The following C4orf50 variants were observed in gnomAD, a reference collection of about 807,000 sequenced individuals.
C4orf50 encodes the protein uncharacterized protein C4orf50.
In C4orf50, 80 loss-of-function variants were observed where a neutral mutation model predicts 77.2. That is an observed-to-expected ratio of 1.04 (90% CI 0.87 to 1.25). C4orf50 has a LOEUF of 1.25. Among genes scored for constraint, C4orf50 ranks in the 50% most tolerant of loss-of-function variants. C4orf50 has a pLI of 0.00. For missense variants in C4orf50, 1,257 were observed against 1,152.9 expected (o/e 1.09, Z -1.31); for synonymous variants, 532 against 465.3 (o/e 1.14, Z -1.84).
At chr4:5,980,856 G>A (rs113585734) in intron 28 of C4orf50, among the ~76,000 whole-genome samples, 138 of 152,270 alleles carry the variant, frequency 9.1e-4, no homozygotes, top group African/African-American at 3.2e-3. Flanking sequence ...GTCTCCCACA[G>A]GCACTTTTCT....
chr4:5,990,610 G>T (rs1721215206), exon 28 of C4orf50: 1 of 399,184 alleles, frequency 2.5e-6, no homozygotes. Flanking sequence ...GAGCAGCAGT[G>T]GTCGCCAAGA....
chr4:5,979,300 C>A (rs540410365), intron 29 of C4orf50, among the ~76,000 whole-genome samples: 1 of 152,198 alleles, frequency 6.6e-6, no homozygotes, highest in African/African-American at 2.4e-5. Context: ...TTTCCACAAA[C>A]AGAAAAATTG....
At position 5,998,379 on chromosome 4, in the gene C4orf50, T is replaced by A. The variant is rs188649956; in HGVS notation, c.964-3903A>T. On this transcript the variant is annotated intron_variant, in intron 25 of 33. Transcript: ENST00000531445. Reference sequence around the variant, plus strand: ...CGACATTATTGACACTGCTTTTTTTTTAAAAGCTCTTGCTTGCTGCTGGAG... The same window carrying A: ...CGACATTATTGACACTGCTTTTTTTATAAAAGCTCTTGCTTGCTGCTGGAG... Among the ~76,000 whole-genome samples, 1,441 of 152,336 alleles carry A rather than the reference T, an allele frequency of 9.5e-3. 14 individuals are homozygous for A. The highest frequency in any genetic ancestry group is 0.017 in the South Asian group (80 of 4,824).
chr4:5,981,372 G>GGATT (rs1264490852), intron 28 of C4orf50, among the ~76,000 whole-genome samples: 1 of 151,724 alleles, frequency 6.6e-6, no homozygotes, highest in African/African-American at 2.4e-5. Flanking sequence ...AGATCATCAG[G>GGATT]GGGTATTTCC....
intron 7 of C4orf50, among the ~76,000 whole-genome samples, chr4:5,910,121 G>A (rs186425156): frequency 1.2e-4 from 18 of 152,196 alleles, no homozygotes; most frequent in Middle Eastern, 3.4e-3. Context: ...CAATATTAAT[G>A]GAGCTGAGAT....
At chr4:6,004,226 G>GGTGA (rs1722079332) in intron 25 of C4orf50, among the ~76,000 whole-genome samples, 1 of 29,108 alleles carries the variant, frequency 3.4e-5, no homozygotes. Context: ...TGGTGATGAT[G>GGTGA]TGATGGTGAT....
chr4:5,973,910 G>T, intron 30 of C4orf50, 69 bp from the exon 9 acceptor site: 2 of 1,322,526 alleles, frequency 1.5e-6, no homozygotes, highest in Non-Finnish European at 1.0e-6. Context: ...GAGGGCTGGG[G>T]GCCGGAGGGT....
intron 25 of C4orf50, among the ~76,000 whole-genome samples, chr4:6,001,006 T>C (rs1023011949): frequency 3.9e-5 from 6 of 152,136 alleles, no homozygotes; most frequent in African/African-American, 1.4e-4. Context: ...GAGCAAGTGA[T>C]ACCAGAAACA....
rs182980059 is a variant in C4orf50, at chr4:5,999,659, T to G, written c.964-5183A>C. 4.2e-3 allele frequency among the ~76,000 whole-genome samples: 632 copies of G among 152,082 alleles called. 6 individuals carry two copies. The highest frequency in any genetic ancestry group is 0.014 in the African/African-American group (596 of 41,484). ...ACAGCTGGTGGCCAGGGACTGGGAA[T>G]AGAGCTAAAGTGAACCAGTTTTTGA... On this transcript the variant is annotated intron_variant, in intron 25 of 33. Transcript: ENST00000531445.
chr4:6,008,584 G>C lies in C4orf50; in HGVS notation c.427-52C>G, dbSNP rs1722353988. 5.0e-6 allele frequency: 2 copies of C among 396,802 alleles called. No homozygotes were observed. Among genetic ancestry groups the C allele is most frequent in the Middle Eastern group, 6.3e-4 (1 of 1,580 alleles). 24.6% of individuals were successfully genotyped at this position (396,802 alleles called of 1,614,324 possible). A position where few individuals can be genotyped will look rare whatever the true frequency, so the allele number is the denominator to read the frequency against. ...TCAGCAAGCCCAAAGGACACACCAT[G>C]GTTCACATTGGTCCTGTCTTGACTT... On this transcript the variant is annotated intron_variant, in intron 24 of 33. Coordinates refer to ENST00000531445, the Ensembl canonical transcript of C4orf50. This position sits in a 1 kb window ranked among gnomAD's most constrained non-coding sequence, Gnocchi z 6.0.
chr4:5,935,807 A>AAAAC (rs1308157183), intron 7 of C4orf50, among the ~76,000 whole-genome samples: 5 of 145,334 alleles, frequency 3.4e-5, no homozygotes, highest in African/African-American at 1.4e-4. Context: ...AAAAAAAAAA[A>AAAAC]AAAGCCCCAG....
intron 7 of C4orf50, chr4:5,904,427 G>A (rs1383063908): frequency 6.6e-6 from 1 of 152,286 alleles, no homozygotes; most frequent in African/African-American, 2.4e-5. Flanking sequence ...GAGAGAAGAA[G>A]AGCTCTTCGC....
rs891481790 is a variant in C4orf50 at position 6,015,812 on chromosome 4, C to A, written c.287+2333G>T. On this transcript the variant is annotated intron_variant, in intron 23 of 33. Transcript: ENST00000531445. This position sits in a 1 kb window ranked among gnomAD's most constrained non-coding sequence, Gnocchi z 4.4. Reference sequence around the variant, plus strand: ...TCTTTGGAGCCAGCTGCATGCAATCCCACACTGGCGGCCACACTGCCATCC... The same window carrying A: ...TCTTTGGAGCCAGCTGCATGCAATCACACACTGGCGGCCACACTGCCATCC... Among the ~76,000 whole-genome samples the A allele has an allele frequency of 3.3e-5, 5 of 152,168 alleles. No individual in the cohort carries two copies.
In C4orf50 at chr4:5,901,669, G is replaced by A. The variant is rs1012280005; in HGVS notation, c.*2475-3481C>T. 1 of 152,216 alleles carries A rather than the reference G, an allele frequency of 6.6e-6. No homozygotes were observed. Among genetic ancestry groups the A allele is most frequent in the Non-Finnish European group, 1.5e-5 (1 of 68,052 alleles). 9.4% of individuals were successfully genotyped at this position (152,216 alleles called of 1,614,324 possible). The stretch of plus-strand genomic sequence containing the variant: ...TCCGGGGCCCACACCTGGCCCACAG[G>A]GTGTCCTGTGTGCAGTGGGATGGAC... On this transcript the variant is annotated intron_variant, in intron 7 of 7. Coordinates refer to the C4orf50 transcript ENST00000324058. This position sits in a 1 kb window ranked among gnomAD's most constrained non-coding sequence, Gnocchi z 4.4.
In C4orf50 at chr4:6,008,189, G is replaced by C. The variant is rs1169012200; in HGVS notation, c.770C>G (p.Ala257Gly). ...CCGGTGCTCCTGCAGGCTGCGCGCC[G>C]CCTCTTCCCGCTCGCGCTCGCTGCG... Residue 257 changes from alanine (A) to glycine (G), a missense_variant, in exon 25 of 34, where the codon GCG becomes GGG. By Grantham distance (60) the Ala-to-Gly change is moderately conservative. Coordinates refer to ENST00000531445, the Ensembl canonical transcript of C4orf50. This position sits in a 1 kb window ranked among gnomAD's most constrained non-coding sequence, Gnocchi z 6.0. 7.5e-6 allele frequency: 3 copies of C among 398,040 alleles called. No individual in the cohort carries two copies. The highest frequency in any genetic ancestry group is 8.9e-6 in the Non-Finnish European group (2 of 225,668). The allele number at this position is 398,040 out of a possible 1,614,324, so 24.7% of individuals were successfully genotyped here. A position where few individuals can be genotyped will look rare whatever the true frequency, so the allele number is the denominator to read the frequency against.
chr4:5,906,256 A>C (rs901467981), intron 7 of C4orf50, among the ~76,000 whole-genome samples: 3 of 152,092 alleles, frequency 2.0e-5, no homozygotes, highest in Non-Finnish European at 2.9e-5. Flanking sequence ...AGACATGGTA[A>C]GGACTCAAAA....
intron 7 of C4orf50, among the ~76,000 whole-genome samples, chr4:5,907,461 G>C (rs1716606649): frequency 6.6e-6 from 1 of 152,152 alleles, no homozygotes; most frequent in African/African-American, 2.4e-5. Flanking sequence ...TCATGTAATA[G>C]GAATTCTAAA....
intron 7 of C4orf50, among the ~76,000 whole-genome samples, chr4:5,937,747 C>A (rs77258128): frequency 0.037 from 5,646 of 152,006 alleles, 159 homozygotes; most frequent in Non-Finnish European, 0.056. Flanking sequence ...AAAGGTGTAC[C>A]AAGCAAATAC....
intron 28 of C4orf50, among the ~76,000 whole-genome samples, chr4:5,987,118 GAATAT>G (rs1720903928): frequency 6.6e-6 from 1 of 152,038 alleles, no homozygotes; most frequent in Admixed American, 6.6e-5. Flanking sequence ...GTGGGAGAAA[GAATAT>G]AATAAGGCCT....
Sources: allele counts gnomAD v4.1 joint callset (sites outside exome capture counted in the v4.1 genomes callset), GRCh38; gene constraint gnomAD v4.1.1; non-coding constraint Gnocchi (gnomAD v3.1); transcripts MANE v1.5; gene names NCBI Gene and HGNC (gene_info 2026-07-23, HGNC 2026-07-21).